The following AGBL4 variants were observed in gnomAD, a reference collection of about 807,000 sequenced individuals.
The protein encoded by AGBL4 is cytosolic carboxypeptidase 6.
In AGBL4, 58 loss-of-function variants were observed where a neutral mutation model predicts 66.4. That is an observed-to-expected ratio of 0.87 (90% CI 0.71 to 1.09). The LOEUF (loss-of-function observed/expected upper bound fraction) is 1.09. Ranked by LOEUF, AGBL4 falls within the 50% of genes least tolerant of loss-of-function variation. The pLI is 0.00. For synonymous variants in AGBL4, 234 were observed against 222.9 expected (o/e 1.05, Z -0.44); for missense variants, 579 against 631.0 (o/e 0.92, Z 0.88).
At chr1:48,538,510 A>G (rs1644009440) in intron 12 of AGBL4, among the ~76,000 whole-genome samples, 1 of 152,190 alleles carries the variant, frequency 6.6e-6, no homozygotes, top group African/African-American at 2.4e-5. Context: ...ATGAACTTCT[A>G]CTTGCGGTGA....
At chr1:49,367,643 C>G (rs1371526784) in intron 3 of AGBL4, among the ~76,000 whole-genome samples, 5 of 152,118 alleles carry the variant, frequency 3.3e-5, no homozygotes, top group African/African-American at 1.2e-4. Flanking sequence ...GTGTGCAAGC[C>G]AAAGTCTTCC....
intron 11 of AGBL4, among the ~76,000 whole-genome samples, chr1:48,571,095 T>A (rs759843088): frequency 1.3e-5 from 2 of 152,228 alleles, no homozygotes; most frequent in African/African-American, 4.8e-5. Context: ...GGTACTGACA[T>A]GCATTAGCTC....
At chr1:48,673,310 T>C (rs1230920994) in intron 6 of AGBL4, among the ~76,000 whole-genome samples, 2 of 152,112 alleles carry the variant, frequency 1.3e-5, no homozygotes, top group Non-Finnish European at 2.9e-5. Flanking sequence ...AACTGATATA[T>C]ATGAGCACTC....
At position 49,822,430 on chromosome 1, in the gene AGBL4, G is replaced by A. The variant is rs191471058; in HGVS notation, c.157+28966C>T. On this transcript the variant is annotated intron_variant, in intron 2 of 13. Transcript: ENST00000371839. The stretch of plus-strand genomic sequence containing the variant: ...TGCAACCTCCACCTCCTGGGTTCAC[G>A]CAATTCTCCTGCCTTAGCCTCCTGA... 3.5e-3 allele frequency among the ~76,000 whole-genome samples: 527 copies of A among 151,988 alleles called. 1 individual carries two copies. Among genetic ancestry groups the A allele is most frequent in the African/African-American group, 0.012 (486 of 41,470 alleles).
At position 49,237,481 on chromosome 1, in the gene AGBL4, G is replaced by A. The variant is rs562153433; in HGVS notation, c.377+8289C>T. Among the ~76,000 whole-genome samples the A allele has an allele frequency of 2.6e-5, 3 of 115,472 alleles. No individual in the cohort carries two copies. The South Asian group carries it at 9.0e-4, about 35-fold the overall frequency. The allele number at this position is 115,472 out of a possible 152,430, so 75.8% of individuals were successfully genotyped here. A position where few individuals can be genotyped will look rare whatever the true frequency, so the allele number is the denominator to read the frequency against. On this transcript the variant is annotated intron_variant, in intron 4 of 13. Transcript: ENST00000371839. ...AGCAGCATAAAAACAGACTAATAGA[G>A]TCACTCATCCTTTTTTTCCTCAATA...
At chr1:49,900,094 A>G (rs1487075259) in intron 1 of AGBL4, among the ~76,000 whole-genome samples, 2 of 152,236 alleles carry the variant, frequency 1.3e-5, no homozygotes, top group East Asian at 3.9e-4. Flanking sequence ...TGAAGAAATA[A>G]CCAACAACTC....
chr1:49,836,778 T>C (rs1282349002), intron 2 of AGBL4, among the ~76,000 whole-genome samples: 1 of 152,212 alleles, frequency 6.6e-6, no homozygotes, highest in Non-Finnish European at 1.5e-5. Flanking sequence ...ATGTCCTTTT[T>C]GTTGATGTTG....
intron 1 of AGBL4, 109 bp downstream of exon 1, chr1:50,023,654 A>G: frequency 7.5e-7 from 1 of 1,339,308 alleles, no homozygotes; most frequent in Non-Finnish European, 9.9e-7. Flanking sequence ...CCGCGCAAAT[A>G]TACAGGACCG....
intron 6 of AGBL4, among the ~76,000 whole-genome samples, chr1:48,844,722 CT>C (rs1344771464): frequency 6.6e-6 from 1 of 152,212 alleles, no homozygotes; most frequent in Non-Finnish European, 1.5e-5. Flanking sequence ...GAGTTGATCT[CT>C]TGCTTCTTTG....
intron 1 of AGBL4, among the ~76,000 whole-genome samples, chr1:49,881,123 C>T (rs1235370500): frequency 3.9e-5 from 6 of 152,240 alleles, no homozygotes; most frequent in African/African-American, 9.6e-5. Flanking sequence ...CCGTCTTCTG[C>T]GTCGCTCACG....
At chr1:49,011,793 A>G (rs1335344886) in intron 5 of AGBL4, among the ~76,000 whole-genome samples, 1 of 149,710 alleles carries the variant, frequency 6.7e-6, no homozygotes, top group Non-Finnish European at 1.5e-5. Context: ...CAAAAACCAA[A>G]CACCGCATAT....
intron 5 of AGBL4, among the ~76,000 whole-genome samples, chr1:48,955,086 C>T (rs1657322830): frequency 6.6e-6 from 1 of 152,138 alleles, no homozygotes; most frequent in Non-Finnish European, 1.5e-5. Flanking sequence ...CACTGTTTGT[C>T]TGTAGAGCTA....
intron 5 of AGBL4, among the ~76,000 whole-genome samples, chr1:49,037,569 T>C (rs1265537327): frequency 6.6e-6 from 1 of 152,066 alleles, no homozygotes; most frequent in African/African-American, 2.4e-5. Flanking sequence ...TGTGCTTTTA[T>C]CACAAGGAGC....
intron 6 of AGBL4, among the ~76,000 whole-genome samples, chr1:48,711,909 G>A (rs1267482847): frequency 6.6e-6 from 1 of 152,134 alleles, no homozygotes; most frequent in Non-Finnish European, 1.5e-5. Flanking sequence ...ATGCAAACTG[G>A]AGTACATCCT....
At chr1:49,933,632 G>T (rs1653603074) in intron 1 of AGBL4, among the ~76,000 whole-genome samples, 1 of 152,062 alleles carries the variant, frequency 6.6e-6, no homozygotes, top group Non-Finnish European at 1.5e-5. Context: ...CGCAAATTAT[G>T]ACAATAACAA....
At position 48,935,958 on chromosome 1, in the gene AGBL4, GAAAAAAAAAAAAAAAAAAAAAA is replaced by G. The variant is rs71056686; in HGVS notation, c.595-68750_595-68729del. The stretch of plus-strand genomic sequence containing the variant: ...TGGGTGACAGAGCGAGACTCTGTCT[GAAAAAAAAAAAAAAAAAAAAAA>G]AAAAAAAAAAAAAAAGATACAAGAT... On this transcript the variant is annotated intron_variant, in intron 5 of 13. Transcript: ENST00000371839. 5.7e-4 allele frequency among the ~76,000 whole-genome samples: 14 copies of G among 24,598 alleles called. 1 individual carries two copies. The South Asian group carries it at 9.1e-3, about 16-fold the overall frequency. 16.1% of individuals were successfully genotyped at this position (24,598 alleles called of 152,430 possible).
intron 4 of AGBL4, among the ~76,000 whole-genome samples, chr1:49,052,711 A>G (rs544350013): frequency 2.0e-5 from 3 of 152,310 alleles, no homozygotes; most frequent in East Asian, 3.9e-4. Flanking sequence ...TGGAATAACA[A>G]TAATCATTCA....
At chr1:48,878,139 T>A (rs1314732835) in intron 5 of AGBL4, among the ~76,000 whole-genome samples, 1 of 152,102 alleles carries the variant, frequency 6.6e-6, no homozygotes, top group African/African-American at 2.4e-5. Context: ...CAGTCTCTAG[T>A]TGGGTGGAAG....
chr1:48,709,402 A>G lies in AGBL4; in HGVS notation c.635-46161T>C, dbSNP rs191473350. Among the ~76,000 whole-genome samples the G allele has an allele frequency of 8.3e-3, 1,258 of 152,302 alleles. 7 individuals are homozygous for G. Among genetic ancestry groups the G allele is most frequent in the Middle Eastern group, 0.031 (9 of 294 alleles). ...TGTGTGTATACAACAGATATGCTAC[A>G]CACCTACACACCGAATAGAAAACCA... On this transcript the variant is annotated intron_variant, in intron 6 of 13. Transcript: ENST00000371839.
Sources: allele counts gnomAD v4.1 joint callset (sites outside exome capture counted in the v4.1 genomes callset), GRCh38; gene constraint gnomAD v4.1.1; transcripts MANE v1.5; gene names NCBI Gene and HGNC (gene_info 2026-07-23, HGNC 2026-07-21).